GRHPR: variants seen among roughly 807,000 people sequenced by gnomAD.
The protein encoded by GRHPR is glyoxylate and hydroxypyruvate reductase.
GRHPR carries 35 observed loss-of-function variants against 36.8 expected under a neutral mutation model. The observed-to-expected ratio is 0.95, with a 90% CI of 0.73 to 1.26. The LOEUF is 1.26. GRHPR is among the 50% of genes most tolerant of loss of function. The pLI is 0.00. For missense variants in GRHPR, 380 were observed against 435.0 expected (o/e 0.87, Z 1.12); for synonymous variants, 179 against 181.0 (o/e 0.99, Z 0.09).
chr9:37,430,765 C>A, intron 7 of GRHPR, 119 bp downstream of exon 7: 6 of 941,404 alleles, frequency 6.4e-6, no homozygotes, highest in Non-Finnish European at 1.0e-5. Context: ...TGCTGGTTTC[C>A]ATAAACCAAA....
In GRHPR at chr9:37,422,844, C is replaced by A; in HGVS notation, c.83+11C>A. 6.3e-7 allele frequency: 1 copy of A among 1,576,588 alleles called. No individual in the cohort carries two copies. Among genetic ancestry groups the A allele is most frequent in the Non-Finnish European group, 8.6e-7 (1 of 1,161,236 alleles). ...CGCCCGGGCGGCAGAGTAAGAGCCT[C>A]GCGCGCCGTGGAGGAGGGAGCAGGG... On this transcript the variant is annotated intron_variant, in intron 1 of 8. Coordinates refer to ENST00000318158, the MANE Select transcript of GRHPR (RefSeq NM_012203.2).
rs1823100648 is a variant in GRHPR at position 37,426,748 on chromosome 9, G to A, written c.404+94G>A. The A allele has an allele frequency of 5.2e-6, 4 of 763,116 alleles. No homozygotes were observed. In the African/African-American group the frequency reaches 6.8e-5, roughly 13 times the overall value. The allele number at this position is 763,116 out of a possible 1,614,324, so 47.3% of individuals were successfully genotyped here. A position where few individuals can be genotyped will look rare whatever the true frequency, so the allele number is the denominator to read the frequency against. On this transcript the variant is annotated intron_variant, in intron 4 of 8. Transcript: ENST00000318158. The stretch of plus-strand genomic sequence containing the variant: ...GCGGATCATGAGGTTAGGAGTTCGA[G>A]ACCAGTCTGGCCAACATAGTGAAAC...
At chr9:37,425,541 G>A (rs183676604) in intron 2 of GRHPR, among the ~76,000 whole-genome samples, 40 of 152,374 alleles carry the variant, frequency 2.6e-4, no homozygotes, top group African/African-American at 9.6e-4. Context: ...TGTCCTGCTT[G>A]CAGGAGAGGG....
chr9:37,422,548 A>T, upstream of GRHPR: 3 of 613,730 alleles, frequency 4.9e-6, no homozygotes, highest in East Asian at 3.6e-5. Context: ...GACACTGTGT[A>T]GGGTCACTGT....
chr9:37,422,914 G>A, intron 1 of GRHPR, 81 bp downstream of exon 1: 1 of 1,002,236 alleles, frequency 1.0e-6, no homozygotes, highest in Admixed American at 2.1e-5. Context: ...TGGGCCTTGT[G>A]GCCGGCTGGG....
chr9:37,431,467 T>C, intron 7 of GRHPR: 1 of 241,388 alleles, frequency 4.1e-6, no homozygotes. Context: ...TAGTGCACAA[T>C]ATACAGTCTC....
At chr9:37,428,715 C>T (rs979605409) in intron 5 of GRHPR, 143 bp downstream of exon 5, 1 of 718,844 alleles carries the variant, frequency 1.4e-6, no homozygotes, top group Non-Finnish European at 2.5e-6. Flanking sequence ...ATGAGGGATA[C>T]AGCTTTGTAA....
chr9:37,428,145 C>A, intron 4 of GRHPR: 1 of 427,830 alleles, frequency 2.3e-6, no homozygotes, highest in South Asian at 2.3e-5. Flanking sequence ...GTTTTGGAAT[C>A]ATAAATCCTG....
In GRHPR at chr9:37,422,806, G is replaced by A. The variant is rs922397776; in HGVS notation, c.56G>A (p.Gly19Asp). The A allele has an allele frequency of 5.6e-6, 9 of 1,602,328 alleles. No individual in the cohort carries two copies. The Admixed American group carries it at 8.5e-5, about 15-fold the overall frequency. ...VFVTRRIPAE[G>D]RVALARAADC... ...GTCACCCGCAGGATACCCGCCGAGGGTAGGGTCGCGCTCGCCCGGGCGGCA... is the reference window on the plus strand; with the variant it reads ...GTCACCCGCAGGATACCCGCCGAGGATAGGGTCGCGCTCGCCCGGGCGGCA... The change falls in exon 1 of 9, where the codon GGT (glycine) becomes GAT (aspartate). Residue 19 changes from glycine (G) to aspartate (D), a missense_variant. Physicochemically the swap from Gly to Asp is moderately conservative, Grantham distance 94 (BLOSUM62 -1). Coordinates refer to ENST00000318158, the MANE Select transcript of GRHPR (RefSeq NM_012203.2).
rs1823267013 is a variant in GRHPR at position 37,429,737 on chromosome 9, G to C, written c.499G>C (p.Ala167Pro). 2 of 1,608,014 alleles carry C rather than the reference G, an allele frequency of 1.2e-6. No individual in the cohort carries two copies. Among genetic ancestry groups the C allele is most frequent in the Non-Finnish European group, 1.7e-6 (2 of 1,174,474 alleles). ...ATGGACTCTCCTTGCTCTAGGCCAG[G>C]CCATTGCTCGGCGTCTGAAACCATT... ...GIIGLGRIGQ[A>P]IARRLKPFGV... Residue 167 changes from alanine (A) to proline (P), a missense_variant, in exon 6 of 9, where the codon GCC becomes CCC. Ala to Pro is a conservative substitution (Grantham distance 27, BLOSUM62 -1). Coordinates refer to ENST00000318158, the MANE Select transcript of GRHPR (RefSeq NM_012203.2).
chr9:37,429,581 C>A, intron 5 of GRHPR, 151 bp from the exon 6 acceptor site: 1 of 729,974 alleles, frequency 1.4e-6, no homozygotes, highest in South Asian at 1.4e-5. Context: ...GGGCAGCCAG[C>A]CCCCCACCCG....
chr9:37,429,460 A>G, intron 5 of GRHPR: 1 of 504,436 alleles, frequency 2.0e-6, no homozygotes. Flanking sequence ...GGCTTTCCAG[A>G]TGGCTTGGAC....
intron 7 of GRHPR, chr9:37,431,446 C>T (rs1823362324): frequency 4.0e-6 from 1 of 248,404 alleles, no homozygotes; most frequent in Non-Finnish European, 8.0e-6. Context: ...CATTAGTGCA[C>T]AAGTATTACT....
chr9:37,426,379 G>A (rs1588752222), intron 3 of GRHPR, 159 bp from the exon 4 acceptor site: 1 of 730,530 alleles, frequency 1.4e-6, no homozygotes, highest in Non-Finnish European at 2.5e-6. Context: ...AATCTAAATA[G>A]GAATGAGGAC....
downstream of GRHPR, among the ~76,000 whole-genome samples, chr9:37,437,677 C>A (rs1003014378): frequency 1.0e-5 from 1 of 98,634 alleles, no homozygotes; most frequent in African/African-American, 3.5e-5. Flanking sequence ...CCTCCCTGCC[C>A]CCAGGTGGAT....
At chr9:37,433,541 T>A (rs1330679309) in intron 8 of GRHPR, among the ~76,000 whole-genome samples, 1 of 152,134 alleles carries the variant, frequency 6.6e-6, no homozygotes, top group Non-Finnish European at 1.5e-5. Context: ...TCTCATACTT[T>A]TGAGTTCGTC....
chr9:37,424,984 T>G lies in GRHPR; in HGVS notation c.214+9T>G, dbSNP rs777214782. On this transcript the variant is annotated intron_variant, in intron 2 of 8. Transcript: ENST00000318158. ...GATCCTGGATGCTGCAGGTGCACACTGGGTGGGCAGGGGACTTGAGGGTGG... is the reference window on the plus strand; with the variant it reads ...GATCCTGGATGCTGCAGGTGCACACGGGGTGGGCAGGGGACTTGAGGGTGG... 4 of 1,611,068 alleles carry G rather than the reference T, an allele frequency of 2.5e-6. No homozygotes were observed. The highest frequency in any genetic ancestry group is 1.7e-5 in the Admixed American group (1 of 60,016).
rs141800325 is a variant in GRHPR at position 37,432,074 on chromosome 9, A to C, written c.801A>C (p.Gly267=). Residue 267 remains glycine (G), a synonymous_variant, in exon 8 of 9, where the codon GGA becomes GGC. Transcript: ENST00000318158. ...CCAGTGGTAAGATTGCAGCTGCTGGACTGGATGTGACGAGCCCAGAACCAC... is the reference window on the plus strand; with the variant it reads ...CCAGTGGTAAGATTGCAGCTGCTGGCCTGGATGTGACGAGCCCAGAACCAC... The part of the protein sequence containing the change: ...ALASGKIAAA[G]LDVTSPEPLP... 1,185 of 1,613,966 alleles carry C rather than the reference A, an allele frequency of 7.3e-4. 8 individuals carry two copies. The highest frequency in any genetic ancestry group is 3.1e-4 in the Non-Finnish European group (371 of 1,179,810).
chr9:37,424,935 C>T lies in GRHPR; in HGVS notation c.174C>T (p.Leu58=). The change falls in exon 2 of 9, where the codon CTC becomes CTT. Residue 58 remains leucine, a synonymous_variant. Coordinates refer to ENST00000318158, the MANE Select transcript of GRHPR (RefSeq NM_012203.2). ...CGGGGGCCCACGGCCTGCTCTGCCT[C>T]CTCTCCGACCACGTGGACAAGAGGA... is the stretch of plus-strand genomic sequence containing the variant. ...GVAGAHGLLC[L]LSDHVDKRIL... 1 of 1,612,760 alleles carries T rather than the reference C, an allele frequency of 6.2e-7. No individual in the cohort carries two copies. Among genetic ancestry groups the T allele is most frequent in the African/African-American group, 1.3e-5 (1 of 75,066 alleles).
Sources: allele counts gnomAD v4.1 joint callset (sites outside exome capture counted in the v4.1 genomes callset), GRCh38; gene constraint gnomAD v4.1.1; transcripts MANE v1.5; gene names NCBI Gene and HGNC (gene_info 2026-07-23, HGNC 2026-07-21).